Variants in EMILIN2 observed in about 807,000 individuals in gnomAD.
EMILIN2 encodes the protein elastin microfibril interfacer 2.
Under a neutral mutation model 87.1 loss-of-function variants are expected in EMILIN2, and 71 were observed. The ratio of observed to expected loss-of-function variants is 0.82; its 90% CI spans 0.67 to 0.99. The LOEUF (loss-of-function observed/expected upper bound fraction) is 0.99, where lower values mean the gene tolerates loss of function less well. Among genes scored for constraint, EMILIN2 ranks in the 50% least tolerant of loss-of-function variants. The pLI is 0.00. For missense variants in EMILIN2, 1,407 were observed against 1,371.8 expected, an observed-to-expected ratio of 1.03 and a Z score of -0.40; for synonymous variants, 581 against 563.4, an observed-to-expected ratio of 1.03 and a Z score of -0.44.
At chr18:2,912,557 T>G (rs2076946410) in intron 7 of EMILIN2, among the ~76,000 whole-genome samples, 1 of 152,192 alleles carries the variant, frequency 6.6e-6, no homozygotes, top group African/African-American at 2.4e-5. Flanking sequence ...TCCTCACCTT[T>G]GGCCACCACT....
At chr18:2,912,073 C>T (rs1180715970) in intron 7 of EMILIN2, among the ~76,000 whole-genome samples, 1 of 117,754 alleles carries the variant, frequency 8.5e-6, no homozygotes, top group African/African-American at 3.3e-5. Context: ...CAGTCTTGTT[C>T]TGTCACCCAG....
intron 7 of EMILIN2, among the ~76,000 whole-genome samples, chr18:2,911,254 C>T (rs879822834): frequency 1.2e-4 from 18 of 152,144 alleles, no homozygotes; most frequent in Non-Finnish European, 2.4e-4. Context: ...CTTGGGGGGC[C>T]GTCCGCATGC....
chr18:2,908,589 G>A (rs893903061), intron 5 of EMILIN2, among the ~76,000 whole-genome samples: 2 of 152,220 alleles, frequency 1.3e-5, no homozygotes, highest in Admixed American at 6.5e-5. Context: ...TAGAGCTCTT[G>A]AACAGATAAC....
chr18:2,904,960 C>T (rs1021357348), intron 4 of EMILIN2, among the ~76,000 whole-genome samples: 8 of 152,122 alleles, frequency 5.3e-5, no homozygotes, highest in Admixed American at 1.3e-4. Flanking sequence ...AGCAGACTTT[C>T]GCTTAGTGTT....
At chr18:2,858,599 A>ATG (rs368602236) in intron 2 of EMILIN2, among the ~76,000 whole-genome samples, 6,382 of 110,074 alleles carry the variant, frequency 0.058, 1,171 homozygotes, top group East Asian at 0.5. Flanking sequence ...ATATATATAT[A>ATG]TATGTGTATA....
intron 4 of EMILIN2, among the ~76,000 whole-genome samples, chr18:2,905,986 G>A (rs1351272382): frequency 6.6e-6 from 1 of 152,022 alleles, no homozygotes; most frequent in African/African-American, 2.4e-5. Context: ...GATTTTTGTC[G>A]GGTCCTAAAC....
rs1367345162 is a variant in EMILIN2, at chr18:2,894,521, G to T, written c.2359+2035G>T. ...GTGGTGACAACGCTGTCTGGTCTGTGTCTTACGATAACAGGTTGAATCAGA... is the reference window on the plus strand; with the variant it reads ...GTGGTGACAACGCTGTCTGGTCTGTTTCTTACGATAACAGGTTGAATCAGA... On this transcript the variant is annotated intron_variant, in intron 4 of 7. Coordinates refer to ENST00000254528, the MANE Select transcript of EMILIN2 (RefSeq NM_032048.3). The surrounding 1 kb of genome is among the most constrained non-coding windows in gnomAD (Gnocchi z 5.0). Among the ~76,000 whole-genome samples, 1 of 152,246 alleles carries T rather than the reference G, an allele frequency of 6.6e-6. No homozygotes were observed. Among genetic ancestry groups the T allele is most frequent in the Non-Finnish European group, 1.5e-5 (1 of 68,046 alleles).
Position 2,847,128 on chromosome 18 carries a change from C to G in EMILIN2, c.-61C>G. The G allele has an allele frequency of 9.4e-7, 1 of 1,067,354 alleles. No individual in the cohort carries two copies. The highest frequency in any genetic ancestry group is 1.1e-6 in the Non-Finnish European group (1 of 883,020). 66.1% of individuals were successfully genotyped at this position (1,067,354 alleles called of 1,614,324 possible). On this transcript the variant is annotated 5_prime_UTR_variant, in exon 1 of 8. Transcript: ENST00000254528. This position sits in a 1 kb window ranked among gnomAD's most constrained non-coding sequence, Gnocchi z 4.5. Reference sequence around the variant, plus strand: ...CCCTGGCCGCCGGCAGCCTTGTGGCCGGTGCCCCGATCCGCCGCGCTCCGG... The same window carrying G: ...CCCTGGCCGCCGGCAGCCTTGTGGCGGGTGCCCCGATCCGCCGCGCTCCGG...
Position 2,847,485 on chromosome 18 carries a change from C to G in EMILIN2, c.134+163C>G, listed in dbSNP as rs777222081. On this transcript the variant is annotated intron_variant, in intron 1 of 7. Coordinates refer to ENST00000254528, the MANE Select transcript of EMILIN2 (RefSeq NM_032048.3). This position sits in a 1 kb window ranked among gnomAD's most constrained non-coding sequence, Gnocchi z 4.5. The stretch of plus-strand genomic sequence containing the variant: ...GGGGGACCGCGCGCTCCGCAGCCGG[C>G]GCCTCAGGCAGAGCTGACTCCGGGG... Among the ~76,000 whole-genome samples, 131 of 152,316 alleles carry G rather than the reference C, an allele frequency of 8.6e-4. No individual in the cohort carries two copies. Among genetic ancestry groups the G allele is most frequent in the Non-Finnish European group, 1.7e-3 (115 of 68,014 alleles).
intron 4 of EMILIN2, chr18:2,906,246 T>C (rs557329614): frequency 6.6e-6 from 1 of 152,400 alleles, no homozygotes; most frequent in East Asian, 1.9e-4. Flanking sequence ...CTTCCTCCGT[T>C]GGAAGTCCCT....
At chr18:2,906,658 C>A in intron 4 of EMILIN2, 125 bp from the exon 5 acceptor site, 1 of 747,340 alleles carries the variant, frequency 1.3e-6, no homozygotes, top group Non-Finnish European at 1.8e-6. Flanking sequence ...CCTGACGTCG[C>A]AGGGGTGGCC....
At chr18:2,876,621 C>CA in intron 2 of EMILIN2, among the ~76,000 whole-genome samples, 1 of 129,226 alleles carries the variant, frequency 7.7e-6, no homozygotes, top group Non-Finnish European at 1.7e-5. Context: ...AAAAAATTAG[C>CA]CGGGTGTGGT....
At chr18:2,889,692 C>CTTTTTTTTTTTTTTTTTTTTTTTTT (rs34248672) in intron 3 of EMILIN2, among the ~76,000 whole-genome samples, 6 of 96,656 alleles carry the variant, frequency 6.2e-5, no homozygotes, top group African/African-American at 1.2e-4. Flanking sequence ...TTTTTCTTTT[C>CTTTTTTTTTTTTTTTTTTTTTTTTT]TTTTTTTTTT....
At chr18:2,859,143 G>A (rs1041661054) in intron 2 of EMILIN2, among the ~76,000 whole-genome samples, 3 of 152,168 alleles carry the variant, frequency 2.0e-5, no homozygotes, top group Admixed American at 6.5e-5. Context: ...GAACCCCCAT[G>A]CTGTTTTCCG....
intron 2 of EMILIN2, among the ~76,000 whole-genome samples, chr18:2,858,142 T>C (rs2076637186): frequency 6.6e-6 from 1 of 152,104 alleles, no homozygotes; most frequent in Admixed American, 6.6e-5. Context: ...GGAAGCACTT[T>C]TTGTTGTATT....
chr18:2,860,488 T>G (rs941454469), intron 2 of EMILIN2, among the ~76,000 whole-genome samples: 1 of 152,156 alleles, frequency 6.6e-6, no homozygotes, highest in Non-Finnish European at 1.5e-5. Context: ...ACATGTGGTG[T>G]TTGGTTTTTT....
chr18:2,900,735 A>C (rs1000536321), intron 4 of EMILIN2, among the ~76,000 whole-genome samples: 1 of 152,122 alleles, frequency 6.6e-6, no homozygotes, highest in African/African-American at 2.4e-5. Flanking sequence ...AGCATTTCTC[A>C]TGCTTCAGTC....
chr18:2,906,880 C>T lies in EMILIN2; in HGVS notation c.2457C>T (p.Asp819=). ...CCAGCGGCCCCGCAACCGCAGAGGA[C>T]CCTGGGCGACGGCCCGTCCTGCCCC... ...PRPSGPATAE[D]PGRRPVLPQR... is the part of the protein sequence containing the mutation. The change falls in exon 5 of 8, where the codon GAC becomes GAT. Residue 819 remains aspartate, a synonymous_variant. Coordinates refer to ENST00000254528, the MANE Select transcript of EMILIN2 (RefSeq NM_032048.3). 7.2e-7 allele frequency: 1 copy of T among 1,392,862 alleles called. No homozygotes were observed. Among genetic ancestry groups the T allele is most frequent in the Non-Finnish European group, 9.3e-7 (1 of 1,071,642 alleles). The allele number at this position is 1,392,862 out of a possible 1,614,324, so 86.3% of individuals were successfully genotyped here. A position where few individuals can be genotyped will look rare whatever the true frequency, so the allele number is the denominator to read the frequency against.
At chr18:2,909,879 C>G in intron 7 of EMILIN2, 60 bp downstream of exon 7, 1 of 1,578,178 alleles carries the variant, frequency 6.3e-7, no homozygotes, top group Non-Finnish European at 8.6e-7. Context: ...AGGTGGGACC[C>G]CTCCCACCAT....
Sources: allele counts gnomAD v4.1 joint callset (sites outside exome capture counted in the v4.1 genomes callset), GRCh38; gene constraint gnomAD v4.1.1; non-coding constraint Gnocchi (gnomAD v3.1); transcripts MANE v1.5; gene names NCBI Gene and HGNC (gene_info 2026-07-23, HGNC 2026-07-21).